Variants in TBPL1 observed in about 807,000 individuals in gnomAD.
TBPL1 encodes TATA box-binding protein-like 1.
A neutral mutation model predicts 22.1 loss-of-function variants in TBPL1; 4 were observed. The ratio of observed to expected loss-of-function variants is 0.18; its 90% CI spans 0.09 to 0.41. TBPL1 has a LOEUF of 0.41. TBPL1 is among the 10% of genes least tolerant of loss of function. The probability of loss-of-function intolerance (pLI) is 1.00; values close to 1 mark genes in which losing one functional copy is unlikely to be tolerated. For missense variants in TBPL1, 115 were observed against 222.3 expected (o/e 0.52, Z 3.07); for synonymous variants, 64 against 71.0 (o/e 0.90, Z 0.50).
In TBPL1 at chr6:133,954,552, A is replaced by G. The variant is rs1156676015; in HGVS notation, c.-45+1127A>G. Among the ~76,000 whole-genome samples, 3 of 152,354 alleles carry G rather than the reference A, an allele frequency of 2.0e-5. No homozygotes were observed. The East Asian group carries it at 5.8e-4, about 29-fold the overall frequency. ...TTTAGTCTTACATCACAAGCTGCTT[A>G]ATGGTTTTATACTTTACAAAATCAT... On this transcript the variant is annotated intron_variant, in intron 1 of 6. Coordinates refer to ENST00000237264, the MANE Select transcript of TBPL1 (RefSeq NM_004865.4).
intron 1 of TBPL1, among the ~76,000 whole-genome samples, chr6:133,978,993 A>C (rs184440241): frequency 9.2e-5 from 14 of 152,336 alleles, no homozygotes; most frequent in Admixed American, 9.2e-4. Context: ...ATGCAAAGAG[A>C]GAATTTTTTA....
intron 3 of TBPL1, 50 bp from the exon 4 acceptor site, chr6:133,982,767 C>T: frequency 1.9e-6 from 3 of 1,595,984 alleles, no homozygotes; most frequent in Non-Finnish European, 2.6e-6. Context: ...CTCAGTATAA[C>T]ATTTATTTCC....
At chr6:133,986,149 C>T (rs1776518235) in intron 6 of TBPL1, among the ~76,000 whole-genome samples, 1 of 152,106 alleles carries the variant, frequency 6.6e-6, no homozygotes. Flanking sequence ...TAAAGTGAGT[C>T]AGGAAGGACC....
At chr6:133,985,741 T>G (rs1439003437) in intron 6 of TBPL1, 1 of 152,168 alleles carries the variant, frequency 6.6e-6, no homozygotes, top group Non-Finnish European at 1.5e-5. Context: ...TAATTTAGTC[T>G]CTCAACAAAT....
intron 1 of TBPL1, among the ~76,000 whole-genome samples, chr6:133,961,237 T>C (rs1776016999): frequency 6.6e-6 from 1 of 152,144 alleles, no homozygotes; most frequent in Admixed American, 6.5e-5. Flanking sequence ...TCATCAACTT[T>C]TTATTGAGTT....
At chr6:133,979,174 A>G (rs998430590) in intron 1 of TBPL1, among the ~76,000 whole-genome samples, 2 of 152,332 alleles carry the variant, frequency 1.3e-5, no homozygotes, top group South Asian at 4.1e-4. Flanking sequence ...CTCCTTGAGG[A>G]CAAAAGACTT....
rs1776556608 is a variant in TBPL1 at position 133,987,661 on chromosome 6, T to C, written c.*621T>C. 6.7e-6 allele frequency: 1 copy of C among 149,050 alleles called. No homozygotes were observed. The highest frequency in any genetic ancestry group is 3.5e-3 in the Middle Eastern group (1 of 286). The allele number at this position is 149,050 out of a possible 1,614,324, so 9.2% of individuals were successfully genotyped here. ...GTGTGTGTGTGTGTATATATATATATATATATGCACCACATGTGTATAGTA... is the reference window on the plus strand; with the variant it reads ...GTGTGTGTGTGTGTATATATATATACATATATGCACCACATGTGTATAGTA... On this transcript the variant is annotated 3_prime_UTR_variant, in exon 7 of 7. Transcript: ENST00000237264.
chr6:133,975,141 T>G (rs1162855250), intron 1 of TBPL1, among the ~76,000 whole-genome samples: 1 of 152,124 alleles, frequency 6.6e-6, no homozygotes, highest in Non-Finnish European at 1.5e-5. Context: ...TACTGATAGT[T>G]TGTTCTGAGA....
chr6:133,968,124 G>A (rs1776152570), intron 1 of TBPL1, among the ~76,000 whole-genome samples: 1 of 151,900 alleles, frequency 6.6e-6, no homozygotes, highest in Admixed American at 6.6e-5. Flanking sequence ...AAGTAGCTGG[G>A]ACTACAGGCG....
intron 1 of TBPL1, among the ~76,000 whole-genome samples, chr6:133,960,599 T>C (rs1776004838): frequency 6.6e-6 from 1 of 152,234 alleles, no homozygotes; most frequent in South Asian, 2.1e-4. Flanking sequence ...TTTTGGCCTA[T>C]TAAAATTAGA....
intron 1 of TBPL1, among the ~76,000 whole-genome samples, chr6:133,967,794 C>T (rs532268260): frequency 6.6e-6 from 1 of 152,148 alleles, no homozygotes; most frequent in African/African-American, 2.4e-5. Flanking sequence ...CATTAGTATT[C>T]AAGGAAAATC....
chr6:133,978,482 T>G (rs910630200), intron 1 of TBPL1, among the ~76,000 whole-genome samples: 12 of 152,216 alleles, frequency 7.9e-5, no homozygotes, highest in African/African-American at 2.9e-4. Flanking sequence ...GGTAATAAAC[T>G]GGCCCTGTGC....
chr6:133,965,918 A>C (rs1314748193), intron 1 of TBPL1, among the ~76,000 whole-genome samples: 21 of 152,228 alleles, frequency 1.4e-4, no homozygotes, highest in Admixed American at 1.3e-3. Context: ...TAATTTTCAC[A>C]ACACTATGAT....
At chr6:133,982,939 TA>T in intron 4 of TBPL1, 59 bp downstream of exon 4, 1 of 1,474,624 alleles carries the variant, frequency 6.8e-7, no homozygotes, top group Non-Finnish European at 9.2e-7. Flanking sequence ...TTTATAGAAT[TA>T]AAAATTGTAA....
rs1776586909 is a variant in TBPL1 at position 133,989,357 on chromosome 6, A to G, written c.*2317A>G. The G allele has an allele frequency of 6.6e-6, 1 of 152,178 alleles. No homozygotes were observed. The highest frequency in any genetic ancestry group is 2.1e-4 in the South Asian group (1 of 4,820). The allele number at this position is 152,178 out of a possible 1,614,324, so 9.4% of individuals were successfully genotyped here. ...ACAGACTCAGGATAATAAAAGAAAA[A>G]TATAAAAGAATGCTCAAGATACTGA... On this transcript the variant is annotated 3_prime_UTR_variant, in exon 7 of 7. Coordinates refer to ENST00000237264, the MANE Select transcript of TBPL1 (RefSeq NM_004865.4).
rs1228149437 is a variant in TBPL1 at position 133,987,710 on chromosome 6, T to A, written c.*670T>A. 6.6e-6 allele frequency: 1 copy of A among 151,308 alleles called. No individual in the cohort carries two copies. Among genetic ancestry groups the A allele is most frequent in the Non-Finnish European group, 1.5e-5 (1 of 67,692 alleles). 9.4% of individuals were successfully genotyped at this position (151,308 alleles called of 1,614,324 possible). A position where few individuals can be genotyped will look rare whatever the true frequency, so the allele number is the denominator to read the frequency against. On this transcript the variant is annotated 3_prime_UTR_variant, in exon 7 of 7. Transcript: ENST00000237264. ...TATCTTTTAATGCTCTGTTACCAAA[T>A]AACAAATAGGAATTTTTTTTCTTGC...
intron 1 of TBPL1, 91 bp from the exon 2 acceptor site, chr6:133,979,991 T>G: frequency 3.1e-6 from 3 of 977,576 alleles, no homozygotes; most frequent in Non-Finnish European, 4.2e-6. Context: ...ATAAATAATA[T>G]AGATTCATTT....
chr6:133,971,712 G>C (rs1776225289), intron 1 of TBPL1, among the ~76,000 whole-genome samples: 1 of 152,050 alleles, frequency 6.6e-6, no homozygotes, highest in South Asian at 2.1e-4. Context: ...TCATATACCT[G>C]TTGGCCATTG....
At chr6:133,960,043 C>T (rs1186060705) in intron 1 of TBPL1, among the ~76,000 whole-genome samples, 4 of 152,160 alleles carry the variant, frequency 2.6e-5, no homozygotes, top group African/African-American at 9.7e-5. Context: ...TTTCCTCTCA[C>T]CTACTTATGG....
Sources: gnomAD v4.1 joint callset for allele counts (sites outside exome capture counted in the v4.1 genomes callset) on GRCh38, gnomAD v4.1.1 for gene constraint, MANE v1.5 for transcripts, NCBI Gene and HGNC (gene_info 2026-07-23, HGNC 2026-07-21) for gene names.